KIAA1328: variants seen among roughly 807,000 people sequenced by gnomAD.
KIAA1328 encodes the protein KIAA1328, also known as protein hinderin.
Under a neutral mutation model 68.1 loss-of-function variants are expected in KIAA1328, and 52 were observed. That is an observed-to-expected ratio of 0.76 (90% confidence interval 0.61 to 0.96). The LOEUF is 0.96. Ranked by LOEUF, KIAA1328 falls within the 40% of genes least tolerant of loss-of-function variation. KIAA1328 has a pLI of 0.00. For synonymous variants in KIAA1328, 232 were observed against 239.4 expected, an observed-to-expected ratio of 0.97 and a Z score of 0.28; for missense variants, 641 against 677.6, an observed-to-expected ratio of 0.95 and a Z score of 0.60.
At chr18:37,229,039 T>C (rs2060653201), downstream of KIAA1328, among the ~76,000 whole-genome samples, 2 of 152,174 alleles carry the variant, frequency 1.3e-5, no homozygotes, top group Admixed American at 6.5e-5. Context: ...TGTTGTGATA[T>C]ATGCTTTATA....
chr18:37,067,316 T>C lies in KIAA1328; in HGVS notation c.1003T>C (p.Cys335Arg). Reference sequence around the variant, plus strand: ...ACATCCTAAGACACATCCAGAATCATGCAGTTATTGTCGGCTTTCTTGGGC... The same window carrying C: ...ACATCCTAAGACACATCCAGAATCACGCAGTTATTGTCGGCTTTCTTGGGC... ...PQHPKTHPES[C>R]SYCRLSWASL... Residue 335 changes from cysteine (C) to arginine (R), a missense_variant, in exon 7 of 10, where the codon TGC becomes CGC. Cys to Arg is a radical substitution (Grantham distance 180, BLOSUM62 -3). Coordinates refer to ENST00000280020, the MANE Select transcript of KIAA1328 (RefSeq NM_020776.3). The C allele has an allele frequency of 6.2e-7, 1 of 1,613,988 alleles. No homozygotes were observed.
At chr18:37,144,092 G>A (rs890972295) in intron 7 of KIAA1328, among the ~76,000 whole-genome samples, 2 of 152,104 alleles carry the variant, frequency 1.3e-5, no homozygotes, top group Admixed American at 6.5e-5. Flanking sequence ...TTCAATTTCT[G>A]TAACAGATAT....
intron 9 of KIAA1328, among the ~76,000 whole-genome samples, chr18:37,216,993 TG>T (rs150941264): frequency 0.23 from 22,268 of 98,624 alleles, 2,425 homozygotes; most frequent in African/African-American, 0.43. Context: ...TTTTTTTGTT[TG>T]TTTTTTTTTT....
chr18:37,062,413 A>T (rs1166491278), intron 6 of KIAA1328, among the ~76,000 whole-genome samples: 1 of 150,924 alleles, frequency 6.6e-6, no homozygotes, highest in African/African-American at 2.4e-5. Flanking sequence ...CACCACATTC[A>T]GTTTTGAAAT....
chr18:36,877,576 G>A (rs1465232278), intron 4 of KIAA1328, among the ~76,000 whole-genome samples: 2 of 143,674 alleles, frequency 1.4e-5, no homozygotes, highest in Non-Finnish European at 3.0e-5. Context: ...TTTATTTTGA[G>A]CCTATGTGTC....
intron 9 of KIAA1328, among the ~76,000 whole-genome samples, chr18:37,175,691 A>G (rs2059585952): frequency 6.6e-6 from 1 of 152,148 alleles, no homozygotes; most frequent in African/African-American, 2.4e-5. Flanking sequence ...TACTGTTTTT[A>G]TTTCAAAGTG....
intron 4 of KIAA1328, among the ~76,000 whole-genome samples, chr18:36,867,536 A>G (rs2047796026): frequency 6.6e-6 from 1 of 152,260 alleles, no homozygotes; most frequent in South Asian, 2.1e-4. Flanking sequence ...TGCAGCATAA[A>G]GTCAAAGCAA....
intron 7 of KIAA1328, among the ~76,000 whole-genome samples, chr18:37,113,144 A>G (rs535956271): frequency 2.6e-5 from 4 of 152,220 alleles, no homozygotes; most frequent in Non-Finnish European, 5.9e-5. Flanking sequence ...ATTCAAATTC[A>G]GGAAATACAG....
chr18:37,193,449 G>A (rs999190214), intron 9 of KIAA1328: 1 of 615,604 alleles, frequency 1.6e-6, no homozygotes, highest in African/African-American at 1.8e-5. Flanking sequence ...ATTAGAGTTA[G>A]GTCAAATGTT....
intron 7 of KIAA1328, among the ~76,000 whole-genome samples, chr18:37,109,190 T>G (rs1223909260): frequency 6.6e-6 from 1 of 152,244 alleles, no homozygotes; most frequent in Non-Finnish European, 1.5e-5. Flanking sequence ...GATGGACATT[T>G]GGATTGGTTC....
intron 4 of KIAA1328, among the ~76,000 whole-genome samples, chr18:36,883,972 A>ATATATATATATATATATATATG (rs2048411090): frequency 6.7e-6 from 1 of 149,498 alleles, no homozygotes; most frequent in African/African-American, 2.5e-5. Flanking sequence ...ATATATATAC[A>ATATATATATATATATATATATG]CACACAGTGT....
intron 6 of KIAA1328, among the ~76,000 whole-genome samples, chr18:36,976,984 C>T (rs1054589123): frequency 6.6e-6 from 1 of 152,086 alleles, no homozygotes; most frequent in African/African-American, 2.4e-5. Flanking sequence ...GATAAATACC[C>T]CCTACAGTGT....
chr18:37,032,751 C>A (rs1003722735), intron 6 of KIAA1328, among the ~76,000 whole-genome samples: 1 of 152,144 alleles, frequency 6.6e-6, no homozygotes, highest in African/African-American at 2.4e-5. Context: ...AAGCGATTCT[C>A]CTGCCCCAGC....
At chr18:36,853,666 T>A (rs981144258) in intron 4 of KIAA1328, among the ~76,000 whole-genome samples, 1 of 152,112 alleles carries the variant, frequency 6.6e-6, no homozygotes, top group Non-Finnish European at 1.5e-5. Flanking sequence ...ATTTTTTTTA[T>A]TTTTATTTTT....
At chr18:36,860,908 G>A (rs909824891) in intron 4 of KIAA1328, among the ~76,000 whole-genome samples, 1 of 152,010 alleles carries the variant, frequency 6.6e-6, no homozygotes, top group African/African-American at 2.4e-5. Flanking sequence ...ATCTCAATAA[G>A]CTATTTTTTA....
At chr18:36,843,019 AT>A (rs1473044548) in intron 3 of KIAA1328, among the ~76,000 whole-genome samples, 2 of 151,932 alleles carry the variant, frequency 1.3e-5, no homozygotes, top group African/African-American at 2.4e-5. Context: ...AAATACTAAT[AT>A]TTTTTCTTAA....
intron 7 of KIAA1328, among the ~76,000 whole-genome samples, chr18:37,093,105 G>A (rs1335593523): frequency 2.6e-5 from 4 of 152,034 alleles, no homozygotes; most frequent in African/African-American, 9.7e-5. Flanking sequence ...CAAAGCCAAA[G>A]CACCCTACTC....
At chr18:37,024,375 T>TTAGA (rs1556859462) in intron 6 of KIAA1328, among the ~76,000 whole-genome samples, 27 of 146,186 alleles carry the variant, frequency 1.8e-4, no homozygotes, top group Non-Finnish European at 4.0e-4. Flanking sequence ...TTACTTTATT[T>TTAGA]TATATATATA....
At chr18:36,977,705 C>G (rs1568242914) in intron 6 of KIAA1328, among the ~76,000 whole-genome samples, 1 of 152,026 alleles carries the variant, frequency 6.6e-6, no homozygotes, top group Non-Finnish European at 1.5e-5. Flanking sequence ...CAAGACAACC[C>G]CCAGGTTTAG....
Sources: gnomAD v4.1 joint callset for allele counts (sites outside exome capture counted in the v4.1 genomes callset) on GRCh38, gnomAD v4.1.1 for gene constraint, MANE v1.5 for transcripts, NCBI Gene and HGNC (gene_info 2026-07-23, HGNC 2026-07-21) for gene names.